SH3BP2: variants seen among roughly 807,000 people sequenced by gnomAD.
SH3BP2 encodes SH3 domain binding protein 2, also known as SH3 domain-binding protein 2.
In SH3BP2, 38 loss-of-function variants were observed where a neutral mutation model predicts 56.2. That is an observed-to-expected ratio of 0.68 (90% CI 0.52 to 0.89). The LOEUF is 0.89. Ranked by LOEUF, SH3BP2 falls within the 40% of genes least tolerant of loss-of-function variation. The pLI is 0.00. For synonymous variants in SH3BP2, 346 were observed against 316.7 expected, an observed-to-expected ratio of 1.09 and a Z score of -0.98; for missense variants, 748 against 762.6, an observed-to-expected ratio of 0.98 and a Z score of 0.23.
rs1233547786 is a variant in SH3BP2, at chr4:2,834,578, G to C, written c.*744G>C. ...AGAGCTAGAAGGCCCTGCAGCTACA[G>C]CTGCTTCATTCCCTGCATTAGTGCC... On this transcript the variant is annotated 3_prime_UTR_variant, in exon 13 of 13. Coordinates refer to ENST00000503393, the MANE Select transcript of SH3BP2 (RefSeq NM_001122681.2). The C allele has an allele frequency of 6.6e-6, 1 of 152,464 alleles. No individual in the cohort carries two copies. Among genetic ancestry groups the C allele is most frequent in the African/African-American group, 2.4e-5 (1 of 41,482 alleles). The allele number at this position is 152,464 out of a possible 1,614,324, so 9.4% of individuals were successfully genotyped here.
chr4:2,816,637 T>G (rs1467531792), intron 1 of SH3BP2, among the ~76,000 whole-genome samples: 3 of 152,262 alleles, frequency 2.0e-5, no homozygotes, highest in Non-Finnish European at 4.4e-5. Context: ...GTTTGTTGAC[T>G]CTTCTTATCA....
At chr4:2,793,251 C>G (rs1283225442) in intron 1 of SH3BP2, 113 bp downstream of exon 1, 1 of 77,942 alleles carries the variant, frequency 1.3e-5, no homozygotes, top group Non-Finnish European at 2.5e-5. Context: ...CGGCGGGTCT[C>G]GGGGGTCTCG....
chr4:2,823,466 G>A lies in SH3BP2; in HGVS notation c.239+429G>A, dbSNP rs186742133. On this transcript the variant is annotated intron_variant, in intron 3 of 12. Coordinates refer to ENST00000503393, the MANE Select transcript of SH3BP2 (RefSeq NM_001122681.2). ...GGGCCCTAGGATTCCCTGCTCCAGGGTCCTCCCAGGCCGGGATCAGTTTCC... is the reference window on the plus strand; with the variant it reads ...GGGCCCTAGGATTCCCTGCTCCAGGATCCTCCCAGGCCGGGATCAGTTTCC... The A allele has an allele frequency of 4.3e-4, 198 of 458,222 alleles. 1 individual carries two copies. In the Admixed American group the frequency reaches 4.5e-3, roughly 10 times the overall value. 28.4% of individuals were successfully genotyped at this position (458,222 alleles called of 1,614,324 possible). A position where few individuals can be genotyped will look rare whatever the true frequency, so the allele number is the denominator to read the frequency against.
chr4:2,814,546 G>C (rs577498528), intron 1 of SH3BP2, among the ~76,000 whole-genome samples: 1 of 152,290 alleles, frequency 6.6e-6, no homozygotes, highest in African/African-American at 2.4e-5. Context: ...AGGCTCAAAT[G>C]CAAATCTCCA....
intron 1 of SH3BP2, among the ~76,000 whole-genome samples, chr4:2,811,570 G>A (rs58342359): frequency 0.051 from 7,763 of 152,340 alleles, 262 homozygotes; most frequent in South Asian, 0.11. Context: ...GGGCAGAGCA[G>A]CCCTGGGAGG....
intron 1 of SH3BP2, among the ~76,000 whole-genome samples, chr4:2,816,099 G>A (rs1183619541): frequency 6.6e-6 from 1 of 151,492 alleles, no homozygotes; most frequent in Non-Finnish European, 1.5e-5. Flanking sequence ...TTGTTCCCCA[G>A]GCTGGAGTGC....
chr4:2,795,685 GC>G (rs538034990), intron 1 of SH3BP2, among the ~76,000 whole-genome samples: 367 of 152,312 alleles, frequency 2.4e-3, no homozygotes, highest in Middle Eastern at 0.01. Flanking sequence ...TCTGAGCCGG[GC>G]GGGCAGCCAT....
At position 2,824,611 on chromosome 4, in the gene SH3BP2, A is replaced by G; in HGVS notation, c.240-2A>G. ...CCGTGACCCCTGGCGCTGTGCCCCC[A>G]GGGTGATGCGGGCGGCTGAGGAGAC... is the stretch of plus-strand genomic sequence containing the variant. On this transcript the variant is annotated splice_acceptor_variant, in intron 3 of 12. Coordinates refer to ENST00000503393, the MANE Select transcript of SH3BP2 (RefSeq NM_001122681.2). LOFTEE classifies it high-confidence loss of function. The G allele has an allele frequency of 5.0e-6, 8 of 1,612,380 alleles. No homozygotes were observed. Among genetic ancestry groups the G allele is most frequent in the Non-Finnish European group, 6.8e-6 (8 of 1,179,082 alleles).
intron 2 of SH3BP2, among the ~76,000 whole-genome samples, chr4:2,822,576 A>G (rs761907894): frequency 6.6e-6 from 1 of 152,140 alleles, no homozygotes; most frequent in Non-Finnish European, 1.5e-5. Flanking sequence ...GGAGCCTCCA[A>G]CAGCCCTGCA....
rs1186073140 is a variant in SH3BP2 at position 2,834,258 on chromosome 4, G to T, written c.*424G>T. ...TAAGACACAGGCTCCAGTAGGGGCT[G>T]TTGCCTCCAATAAAGCAGCAGTGAG... On this transcript the variant is annotated 3_prime_UTR_variant, in exon 13 of 13. Coordinates refer to ENST00000503393, the MANE Select transcript of SH3BP2 (RefSeq NM_001122681.2). 5.9e-6 allele frequency: 1 copy of T among 170,234 alleles called. No individual in the cohort carries two copies. The highest frequency in any genetic ancestry group is 1.6e-4 in the South Asian group (1 of 6,116). 10.5% of individuals were successfully genotyped at this position (170,234 alleles called of 1,614,324 possible).
At chr4:2,800,885 C>T (rs866608218) in intron 1 of SH3BP2, among the ~76,000 whole-genome samples, 24 of 152,140 alleles carry the variant, frequency 1.6e-4, no homozygotes, top group Admixed American at 1.0e-3. Flanking sequence ...GAGAGGTGTC[C>T]GGCGAGGTAG....
intron 1 of SH3BP2, chr4:2,796,341 G>T (rs1364218004): frequency 1.1e-6 from 1 of 893,728 alleles, no homozygotes; most frequent in Non-Finnish European, 1.3e-6. Flanking sequence ...GGGGAGAAAG[G>T]TGCCCTCCCC....
intron 1 of SH3BP2, among the ~76,000 whole-genome samples, chr4:2,801,168 G>A (rs1421023116): frequency 6.6e-6 from 1 of 152,318 alleles, no homozygotes; most frequent in East Asian, 1.9e-4. Context: ...AGAGGCTGGG[G>A]GCTGGGCTCC....
At chr4:2,823,499 C>T in intron 3 of SH3BP2, 2 of 457,028 alleles carry the variant, frequency 4.4e-6, no homozygotes, top group South Asian at 1.5e-5. Flanking sequence ...TCCAGCTTCA[C>T]GCATGTCCTG....
chr4:2,831,783 C>A lies in SH3BP2; in HGVS notation c.1350+104C>A. On this transcript the variant is annotated intron_variant, in intron 9 of 12. Coordinates refer to ENST00000503393, the MANE Select transcript of SH3BP2 (RefSeq NM_001122681.2). The surrounding 1 kb of genome is among the most constrained non-coding windows in gnomAD (Gnocchi z 4.1). Reference sequence around the variant, plus strand: ...CCTCACAGACCGTCCTGAGCAAGGACCCCCCGAGAACCCGGGAGCCTAGGG... The same window carrying A: ...CCTCACAGACCGTCCTGAGCAAGGAACCCCCGAGAACCCGGGAGCCTAGGG... 1 of 1,337,480 alleles carries A rather than the reference C, an allele frequency of 7.5e-7. No homozygotes were observed. The highest frequency in any genetic ancestry group is 1.1e-6 in the Non-Finnish European group (1 of 951,528). 82.9% of individuals were successfully genotyped at this position (1,337,480 alleles called of 1,614,324 possible). A position where few individuals can be genotyped will look rare whatever the true frequency, so the allele number is the denominator to read the frequency against.
chr4:2,805,351 G>A (rs1723489323), intron 1 of SH3BP2, among the ~76,000 whole-genome samples: 1 of 152,208 alleles, frequency 6.6e-6, no homozygotes, highest in Admixed American at 6.5e-5. Context: ...TGCGCTTGGT[G>A]GGTGCAGAGC....
intron 1 of SH3BP2, among the ~76,000 whole-genome samples, chr4:2,803,514 G>T (rs769102084): frequency 1.3e-5 from 2 of 152,202 alleles, no homozygotes; most frequent in Non-Finnish European, 2.9e-5. Context: ...ACGGAGCAAG[G>T]CTCAGGGAGT....
chr4:2,817,585 G>T (rs909197639), intron 1 of SH3BP2, among the ~76,000 whole-genome samples: 14 of 152,232 alleles, frequency 9.2e-5, no homozygotes, highest in Non-Finnish European at 7.4e-5. Context: ...GAAGATGGAG[G>T]AGGCAGGATG....
chr4:2,820,053 T>C (rs146319611), intron 1 of SH3BP2, among the ~76,000 whole-genome samples: 25 of 152,192 alleles, frequency 1.6e-4, no homozygotes, highest in Non-Finnish European at 2.5e-4. Flanking sequence ...CTGACAACAG[T>C]GTGCTGTGTG....
Sources: gnomAD v4.1 joint callset for allele counts (sites outside exome capture counted in the v4.1 genomes callset) on GRCh38, gnomAD v4.1.1 for gene constraint, Gnocchi (gnomAD v3.1) non-coding constraint, MANE v1.5 for transcripts, NCBI Gene and HGNC (gene_info 2026-07-23, HGNC 2026-07-21) for gene names.